The following PUM1 variants were observed in gnomAD, a reference collection of about 807,000 sequenced individuals.
The protein encoded by PUM1 is pumilio RNA binding family member 1.
A neutral mutation model predicts 131.8 loss-of-function variants in PUM1; 13 were observed. The ratio of observed to expected loss-of-function variants is 0.10; its 90% confidence interval spans 0.06 to 0.16. PUM1 has a LOEUF of 0.16. Ranked by LOEUF, PUM1 falls within the 10% of genes least tolerant of loss-of-function variation. PUM1 has a pLI of 1.00. For missense variants in PUM1, 961 were observed against 1,512.4 expected (o/e 0.64, Z 6.05); for synonymous variants, 509 against 556.5 (o/e 0.91, Z 1.20).
chr1:31,039,995 A>T (rs1009684120), intron 2 of PUM1, among the ~76,000 whole-genome samples: 1 of 152,178 alleles, frequency 6.6e-6, no homozygotes, highest in African/African-American at 2.4e-5. Context: ...CTCAAAAATA[A>T]TAATAATAAA....
intron 14 of PUM1, among the ~76,000 whole-genome samples, chr1:30,958,787 T>G (rs1640279209): frequency 6.6e-6 from 1 of 152,212 alleles, no homozygotes; most frequent in African/African-American, 2.4e-5. Context: ...ATCTAGTTGT[T>G]AAGAAAATTC....
At chr1:31,016,825 T>TA (rs942276297) in intron 3 of PUM1, among the ~76,000 whole-genome samples, 15 of 152,274 alleles carry the variant, frequency 9.9e-5, no homozygotes, top group Admixed American at 3.9e-4. Context: ...ATACTGCTTT[T>TA]AAAAAAAGCA....
At chr1:30,945,741 TA>T (rs1187377115) in intron 17 of PUM1, among the ~76,000 whole-genome samples, 1 of 152,172 alleles carries the variant, frequency 6.6e-6, no homozygotes, top group Non-Finnish European at 1.5e-5. Context: ...CTCACACCTG[TA>T]AAAACAAAAA....
intron 2 of PUM1, among the ~76,000 whole-genome samples, chr1:31,048,664 C>T (rs940997500): frequency 4.0e-5 from 6 of 151,096 alleles, no homozygotes; most frequent in Non-Finnish European, 8.8e-5. Context: ...TTAGTAGAGA[C>T]GGGGTTTCAC....
intron 17 of PUM1, among the ~76,000 whole-genome samples, chr1:30,948,574 A>C (rs1639780188): frequency 6.6e-6 from 1 of 152,064 alleles, no homozygotes; most frequent in Non-Finnish European, 1.5e-5. Flanking sequence ...AACGTGGTGA[A>C]ACCCCATCTC....
At chr1:31,046,709 A>G (rs974354454) in intron 2 of PUM1, among the ~76,000 whole-genome samples, 1 of 151,800 alleles carries the variant, frequency 6.6e-6, no homozygotes, top group African/African-American at 2.4e-5. Context: ...TAACCTCGTG[A>G]TCCACCCACC....
intron 9 of PUM1, among the ~76,000 whole-genome samples, chr1:30,975,144 G>A (rs967061530): frequency 6.6e-6 from 1 of 152,164 alleles, no homozygotes; most frequent in South Asian, 2.1e-4. Flanking sequence ...GGAGTAAATG[G>A]AGGGTTTGCG....
At chr1:30,969,772 T>A (rs1640799070) in intron 10 of PUM1, among the ~76,000 whole-genome samples, 2 of 152,078 alleles carry the variant, frequency 1.3e-5, no homozygotes, top group Non-Finnish European at 2.9e-5. Context: ...GCTGAAGAGA[T>A]GCTCCCACCT....
At chr1:31,037,504 A>C (rs930754809) in intron 2 of PUM1, among the ~76,000 whole-genome samples, 2 of 151,854 alleles carry the variant, frequency 1.3e-5, no homozygotes, top group African/African-American at 4.8e-5. Flanking sequence ...GGATCACTTG[A>C]GGTCAGGAGT....
At chr1:31,048,440 GTA>G (rs1253886933) in intron 2 of PUM1, among the ~76,000 whole-genome samples, 2 of 150,446 alleles carry the variant, frequency 1.3e-5, no homozygotes, top group Non-Finnish European at 3.0e-5. Context: ...GACCATCAAG[GTA>G]AATTCTTTTT....
intron 20 of PUM1, among the ~76,000 whole-genome samples, chr1:30,940,396 A>G (rs61778248): frequency 0.013 from 1,971 of 152,306 alleles, 27 homozygotes; most frequent in Non-Finnish European, 0.019. Flanking sequence ...GGATCGCTTG[A>G]GCCTGAGAGG....
In PUM1 at chr1:30,937,594, AT is replaced by A. The variant is rs201287348; in HGVS notation, c.3243-760del. On this transcript the variant is annotated intron_variant, in intron 20 of 21. Coordinates refer to ENST00000426105, the MANE Select transcript of PUM1 (RefSeq NM_001020658.2). ...CACCATGCCTGGCCTCAAATAAGTA[AT>A]TTTTTTTTAAGTAAAAATAGAAATT... Among the ~76,000 whole-genome samples, 1,366 of 151,218 alleles carry A rather than the reference AT, an allele frequency of 9.0e-3. 10 individuals are homozygous for A. Among genetic ancestry groups the A allele is most frequent in the East Asian group, 0.033 (164 of 5,028 alleles).
chr1:30,944,512 A>C (rs769342291), intron 18 of PUM1, among the ~76,000 whole-genome samples: 2 of 152,250 alleles, frequency 1.3e-5, no homozygotes, highest in Non-Finnish European at 2.9e-5. Flanking sequence ...GCTGAAGCTA[A>C]GAAGAGATTT....
intron 2 of PUM1, among the ~76,000 whole-genome samples, chr1:31,036,002 G>C (rs1190612786): frequency 1.3e-5 from 2 of 151,892 alleles, no homozygotes; most frequent in South Asian, 2.1e-4. Context: ...TATATACGAG[G>C]AAACCAAGGT....
intron 7 of PUM1, 60 bp from the exon 8 acceptor site, chr1:30,981,465 A>C (rs1235952806): frequency 9.0e-6 from 10 of 1,109,244 alleles, no homozygotes; most frequent in Non-Finnish European, 1.3e-5. Context: ...ATCATTTAAA[A>C]ACCTCTCTGA....
chr1:31,039,940 G>A (rs1374816009), intron 2 of PUM1, among the ~76,000 whole-genome samples: 1 of 152,176 alleles, frequency 6.6e-6, no homozygotes, highest in Non-Finnish European at 1.5e-5. Context: ...GCTGGGCCCA[G>A]TGGCTCACAC....
At chr1:31,021,827 T>A (rs55935449) in intron 3 of PUM1, among the ~76,000 whole-genome samples, 10,951 of 152,076 alleles carry the variant, frequency 0.072, 656 homozygotes, top group East Asian at 0.29. Context: ...AAATCTTGAA[T>A]AAGTAGACTG....
At chr1:31,027,439 C>G (rs1353030220) in intron 3 of PUM1, among the ~76,000 whole-genome samples, 3 of 152,214 alleles carry the variant, frequency 2.0e-5, no homozygotes, top group Non-Finnish European at 2.9e-5. Flanking sequence ...GCTCCAAAAA[C>G]TTAGTGACAA....
At chr1:30,976,037 A>G (rs1641123984) in intron 9 of PUM1, among the ~76,000 whole-genome samples, 1 of 151,684 alleles carries the variant, frequency 6.6e-6, no homozygotes, top group South Asian at 2.1e-4. Flanking sequence ...ACAGTGAGCC[A>G]AGATTGTACC....
Sources: gnomAD v4.1 joint callset for allele counts (sites outside exome capture counted in the v4.1 genomes callset) on GRCh38, gnomAD v4.1.1 for gene constraint, MANE v1.5 for transcripts, NCBI Gene and HGNC (gene_info 2026-07-23, HGNC 2026-07-21) for gene names.